The following TENM4 variants were observed in gnomAD, a reference collection of about 807,000 sequenced individuals.
TENM4 encodes the protein teneurin-4.
In TENM4, 82 loss-of-function variants were observed where a neutral mutation model predicts 243.3. The ratio of observed to expected loss-of-function variants is 0.34; its 90% CI spans 0.28 to 0.40. The LOEUF is 0.40. TENM4 is among the 10% of genes least tolerant of loss of function. The pLI is 1.00. For missense variants in TENM4, 3,138 were observed against 3,673.3 expected (o/e 0.85, Z 3.77); for synonymous variants, 1,412 against 1,456.3 (o/e 0.97, Z 0.69).
At chr11:78,764,803 A>T (rs1261098413) in intron 18 of TENM4, among the ~76,000 whole-genome samples, 1 of 152,144 alleles carries the variant, frequency 6.6e-6, no homozygotes, top group Non-Finnish European at 1.5e-5. Context: ...AGTGCTGGAG[A>T]AGAAGGAAGT....
chr11:79,051,278 C>T (rs76748981), intron 6 of TENM4, among the ~76,000 whole-genome samples: 3,561 of 152,210 alleles, frequency 0.023, 131 homozygotes, highest in African/African-American at 0.081. Flanking sequence ...CCCCATTTTA[C>T]GGGTGAGAAG....
intron 2 of TENM4, among the ~76,000 whole-genome samples, chr11:79,255,927 C>T (rs1855694044): frequency 1.3e-5 from 2 of 152,180 alleles, no homozygotes; most frequent in Non-Finnish European, 2.9e-5. Context: ...GTCTTTGCTC[C>T]TCCAGCTCTT....
intron 6 of TENM4, among the ~76,000 whole-genome samples, chr11:78,971,920 G>A: frequency 6.6e-6 from 1 of 152,050 alleles, no homozygotes; most frequent in East Asian, 1.9e-4. Context: ...TAAGTGACGT[G>A]GGAAATAGGA....
chr11:78,803,403 A>C (rs1440077600), intron 15 of TENM4, among the ~76,000 whole-genome samples: 1 of 152,228 alleles, frequency 6.6e-6, no homozygotes, highest in Non-Finnish European at 1.5e-5. Context: ...TATAGCTTCA[A>C]AGGGTAAAGT....
rs79673833 is a variant in TENM4 at position 79,320,641 on chromosome 11, C to T, written c.-320-23098G>A. On this transcript the variant is annotated intron_variant, in intron 1 of 33. Coordinates refer to ENST00000278550, the MANE Select transcript of TENM4 (RefSeq NM_001098816.3). ...CTCATGTTTGCTTATATCCAGAACCCGCATTTTAGCCACATTGCAACTCTG... is the reference window on the plus strand; with the variant it reads ...CTCATGTTTGCTTATATCCAGAACCTGCATTTTAGCCACATTGCAACTCTG... Among the ~76,000 whole-genome samples the T allele has an allele frequency of 6.5e-3, 985 of 152,038 alleles. 11 individuals are homozygous for T. The highest frequency in any genetic ancestry group is 0.021 in the African/African-American group (885 of 41,420).
intron 6 of TENM4, among the ~76,000 whole-genome samples, chr11:79,057,110 T>C (rs969719841): frequency 6.6e-6 from 1 of 152,200 alleles, no homozygotes; most frequent in African/African-American, 2.4e-5. Context: ...GCACCTGTTG[T>C]CTCTCTCCTG....
chr11:79,375,087 C>A (rs761986496), intron 1 of TENM4, among the ~76,000 whole-genome samples: 16 of 152,144 alleles, frequency 1.1e-4, no homozygotes, highest in Non-Finnish European at 2.1e-4. Flanking sequence ...TATTCTAAAT[C>A]TTTTGTCTAA....
intron 1 of TENM4, among the ~76,000 whole-genome samples, chr11:79,302,576 G>T (rs1856566541): frequency 6.6e-6 from 1 of 152,066 alleles, no homozygotes; most frequent in African/African-American, 2.4e-5. Context: ...TGACTTGATG[G>T]TTGTCTATAG....
At chr11:79,218,244 G>A (rs1437857480) in intron 2 of TENM4, among the ~76,000 whole-genome samples, 3 of 12,064 alleles carry the variant, frequency 2.5e-4, no homozygotes, top group Admixed American at 1.3e-3. Context: ...ACCCACCCCC[G>A]ACACACACAA....
At chr11:79,331,074 G>T (rs1289116256) in intron 1 of TENM4, among the ~76,000 whole-genome samples, 2 of 152,200 alleles carry the variant, frequency 1.3e-5, no homozygotes, top group African/African-American at 4.8e-5. Context: ...AAGAGGATTT[G>T]CTTGCCCTCT....
chr11:78,856,741 G>T (rs1368131577), intron 10 of TENM4, among the ~76,000 whole-genome samples: 2 of 152,222 alleles, frequency 1.3e-5, no homozygotes, highest in African/African-American at 4.8e-5. Flanking sequence ...CAGGGTTAGG[G>T]GCTGGGGAAG....
At chr11:79,333,410 G>T (rs1857094185) in intron 1 of TENM4, among the ~76,000 whole-genome samples, 1 of 152,188 alleles carries the variant, frequency 6.6e-6, no homozygotes, top group African/African-American at 2.4e-5. Flanking sequence ...TTATGTGGTT[G>T]GTTTCCACAC....
chr11:79,317,635 C>T (rs550746616), intron 1 of TENM4, among the ~76,000 whole-genome samples: 5 of 152,238 alleles, frequency 3.3e-5, no homozygotes, highest in Admixed American at 6.5e-5. Context: ...GTGACCTGCT[C>T]AAGGTCATAT....
At chr11:78,815,334 C>T (rs920576539) in intron 12 of TENM4, among the ~76,000 whole-genome samples, 4 of 151,732 alleles carry the variant, frequency 2.6e-5, no homozygotes, top group African/African-American at 9.7e-5. Flanking sequence ...TGCAGTGAGC[C>T]GAGATTGCAC....
At chr11:79,160,353 C>T (rs1862716940) in intron 3 of TENM4, among the ~76,000 whole-genome samples, 3 of 152,162 alleles carry the variant, frequency 2.0e-5, no homozygotes, top group Admixed American at 2.0e-4. Flanking sequence ...CTCTAGTATC[C>T]AGGAAGGCAA....
chr11:78,659,514 C>G (rs1040177550), intron 33 of TENM4, among the ~76,000 whole-genome samples: 3 of 151,526 alleles, frequency 2.0e-5, no homozygotes, highest in African/African-American at 7.3e-5. Context: ...AGGACAGGCT[C>G]AGGCTTGAGT....
At chr11:78,740,544 C>T (rs1228163311) in intron 19 of TENM4, among the ~76,000 whole-genome samples, 5 of 152,168 alleles carry the variant, frequency 3.3e-5, no homozygotes, top group East Asian at 1.9e-4. Flanking sequence ...ATTATCTCTC[C>T]GCTAATGGGG....
intron 6 of TENM4, among the ~76,000 whole-genome samples, chr11:78,971,580 C>T (rs1347283814): frequency 1.3e-5 from 2 of 152,148 alleles, no homozygotes; most frequent in Admixed American, 1.3e-4. Context: ...GGATTACAGG[C>T]ATGAGCCACT....
intron 2 of TENM4, among the ~76,000 whole-genome samples, chr11:79,226,968 C>A (rs574954042): frequency 6.6e-6 from 1 of 152,304 alleles, no homozygotes; most frequent in Non-Finnish European, 1.5e-5. Context: ...CAGATCCACT[C>A]CCCACACTGG....
Sources: allele counts gnomAD v4.1 joint callset (sites outside exome capture counted in the v4.1 genomes callset), GRCh38; gene constraint gnomAD v4.1.1; transcripts MANE v1.5; gene names NCBI Gene and HGNC (gene_info 2026-07-23, HGNC 2026-07-21).